The following OBI1 variants were observed in gnomAD, a reference collection of about 807,000 sequenced individuals.
OBI1 encodes ring finger protein 219.
In OBI1, 59 loss-of-function variants were observed where a neutral mutation model predicts 62.4. The observed-to-expected ratio is 0.95, with a 90% CI of 0.77 to 1.17. The LOEUF is 1.17. Ranked by LOEUF, OBI1 falls within the 50% of genes most tolerant of loss-of-function variation. The pLI, the probability that OBI1 is intolerant of heterozygous loss-of-function variation, is 0.00. For missense variants in OBI1, 875 were observed against 830.9 expected (o/e 1.05, Z -0.65); for synonymous variants, 302 against 292.8 (o/e 1.03, Z -0.32).
rs61230949 is a variant in OBI1, at chr13:78,647,986, A to T, written c.73-2989T>A. Among the ~76,000 whole-genome samples the T allele has an allele frequency of 3.0e-3, 457 of 152,272 alleles. 2 individuals are homozygous for T. The highest frequency in any genetic ancestry group is 0.01 in the African/African-American group (431 of 41,540). On this transcript the variant is annotated intron_variant, in intron 1 of 5. Transcript: ENST00000282003. ...AACTGGTTTGACAGATTCATTAAAAAAAAAAATAATGAACCATAGTGTTTC... is the reference window on the plus strand; with the variant it reads ...AACTGGTTTGACAGATTCATTAAAATAAAAAATAATGAACCATAGTGTTTC...
At chr13:78,630,332 T>G (rs1434128953) in intron 5 of OBI1, among the ~76,000 whole-genome samples, 2 of 152,166 alleles carry the variant, frequency 1.3e-5, no homozygotes, top group Non-Finnish European at 2.9e-5. Flanking sequence ...AAACTCCCAT[T>G]TACTCATAAC....
chr13:78,644,833 T>C, intron 2 of OBI1, 29 bp downstream of exon 2: 1 of 1,604,432 alleles, frequency 6.2e-7, no homozygotes, highest in Non-Finnish European at 8.5e-7. Context: ...TCAAACCTAT[T>C]CCTATGCATA....
intron 2 of OBI1, among the ~76,000 whole-genome samples, chr13:78,643,525 C>T (rs1477949113): frequency 1.3e-5 from 2 of 152,202 alleles, no homozygotes; most frequent in Non-Finnish European, 1.5e-5. Flanking sequence ...CGGTGGCTCA[C>T]GCCTGTAATT....
chr13:78,638,220 G>C (rs1345999558), intron 4 of OBI1, among the ~76,000 whole-genome samples: 1 of 152,072 alleles, frequency 6.6e-6, no homozygotes, highest in Non-Finnish European at 1.5e-5. Context: ...AAAAATCCTA[G>C]AGGTTTGCCT....
intron 1 of OBI1, among the ~76,000 whole-genome samples, chr13:78,646,220 G>A (rs1020882862): frequency 6.6e-5 from 10 of 152,084 alleles, no homozygotes; most frequent in East Asian, 3.9e-4. Flanking sequence ...TATTATACTC[G>A]TGTTTACATA....
intron 5 of OBI1, among the ~76,000 whole-genome samples, chr13:78,633,341 T>C (rs1488199489): frequency 6.6e-6 from 1 of 152,140 alleles, no homozygotes; most frequent in East Asian, 1.9e-4. Flanking sequence ...TTCTCATTGG[T>C]TAGTTATCTC....
chr13:78,642,390 A>G (rs1566284041), intron 2 of OBI1, among the ~76,000 whole-genome samples, 177 bp from the exon 3 acceptor site: 1 of 152,154 alleles, frequency 6.6e-6, no homozygotes, highest in African/African-American at 2.4e-5. Context: ...GGAAAAAAAA[A>G]TATATCAAAT....
At chr13:78,629,144 T>G (rs1423743207) in intron 5 of OBI1, among the ~76,000 whole-genome samples, 1 of 152,046 alleles carries the variant, frequency 6.6e-6, no homozygotes, top group Non-Finnish European at 1.5e-5. Context: ...ATCTAGAGCC[T>G]TTATCCTCCC....
intron 1 of OBI1, among the ~76,000 whole-genome samples, chr13:78,657,213 A>C (rs1243951508): frequency 6.6e-6 from 1 of 152,210 alleles, no homozygotes; most frequent in Non-Finnish European, 1.5e-5. Context: ...TCTGGCACAT[A>C]AGATTAAGAC....
At chr13:78,655,559 C>T (rs1876676309) in intron 1 of OBI1, among the ~76,000 whole-genome samples, 1 of 152,146 alleles carries the variant, frequency 6.6e-6, no homozygotes, top group Admixed American at 6.5e-5. Flanking sequence ...AAAGCATTAA[C>T]AGGTGAATAC....
At chr13:78,658,964 C>G in intron 1 of OBI1, 85 bp downstream of exon 1, 1 of 1,279,078 alleles carries the variant, frequency 7.8e-7, no homozygotes, top group Non-Finnish European at 1.1e-6. Flanking sequence ...ACGCCCCTTC[C>G]CCGCCCCCGC....
At chr13:78,644,776 T>C in intron 2 of OBI1, 86 bp downstream of exon 2, 1 of 1,406,062 alleles carries the variant, frequency 7.1e-7, no homozygotes, top group Non-Finnish European at 1.0e-6. Flanking sequence ...TCACTGAAAA[T>C]AGCCTATTTC....
At chr13:78,637,612 C>A (rs1205901695) in intron 4 of OBI1, among the ~76,000 whole-genome samples, 1 of 152,198 alleles carries the variant, frequency 6.6e-6, no homozygotes, top group African/African-American at 2.4e-5. Context: ...GGGAACAAGG[C>A]AAATTGATAA....
At chr13:78,620,467 T>C (rs2137429076) in intron 5 of OBI1, 2 of 323,148 alleles carry the variant, frequency 6.2e-6, no homozygotes, top group East Asian at 9.2e-5. Context: ...AAAGTAGCAG[T>C]GATGGCCAAA....
chr13:78,642,750 G>C (rs2137458382), intron 2 of OBI1, among the ~76,000 whole-genome samples: 1 of 152,282 alleles, frequency 6.6e-6, no homozygotes, highest in African/African-American at 2.4e-5. Flanking sequence ...AGCCGGGCGT[G>C]GTGGCTGGCG....
At chr13:78,639,261 T>C (rs531627775) in intron 3 of OBI1, among the ~76,000 whole-genome samples, 190 bp from the exon 4 acceptor site, 13 of 152,378 alleles carry the variant, frequency 8.5e-5, no homozygotes, top group African/African-American at 2.6e-4. Flanking sequence ...GTGGCCTGAC[T>C]GATAAAAATT....
intron 3 of OBI1, among the ~76,000 whole-genome samples, chr13:78,639,679 C>T (rs972304656): frequency 1.1e-4 from 17 of 148,492 alleles, no homozygotes; most frequent in Non-Finnish European, 2.2e-4. Context: ...ATGATGAGTT[C>T]ATGTCCTTTG....
chr13:78,633,572 C>CAG (rs1875920842), intron 5 of OBI1, among the ~76,000 whole-genome samples: 1 of 152,158 alleles, frequency 6.6e-6, no homozygotes, highest in Non-Finnish European at 1.5e-5. Context: ...TGCCATCCCT[C>CAG]AGAGAGGTTG....
Position 78,616,307 on chromosome 13 carries a change from C to G in OBI1, c.1454G>C (p.Gly485Ala). 1 of 1,614,014 alleles carries G rather than the reference C, an allele frequency of 6.2e-7. No individual in the cohort carries two copies. ...AQNLDFESSE[G>A]NTIANSVGEI... ...TCCAACAGAATTTGCTATCGTGTTC[C>G]CCTCTGAACTTTCAAAATCTAAGTT... The change falls in exon 6 of 6, where the codon GGG becomes GCG. Residue 485 changes from glycine (G) to alanine (A), a missense_variant. Gly to Ala is a moderately conservative substitution (Grantham distance 60). Coordinates refer to ENST00000282003, the MANE Select transcript of OBI1 (RefSeq NM_024546.4).
Sources: gnomAD v4.1 joint callset for allele counts (sites outside exome capture counted in the v4.1 genomes callset) on GRCh38, gnomAD v4.1.1 for gene constraint, MANE v1.5 for transcripts, NCBI Gene and HGNC (gene_info 2026-07-23, HGNC 2026-07-21) for gene names.